The following THRB variants were observed in gnomAD, a reference collection of about 807,000 sequenced individuals.
The protein encoded by THRB is nuclear receptor subfamily 1 group A member 2.
Under a neutral mutation model 47.8 loss-of-function variants are expected in THRB, and 12 were observed. The observed-to-expected ratio is 0.25, with a 90% CI of 0.16 to 0.41. THRB has a LOEUF of 0.41. Among genes scored for constraint, THRB ranks in the 10% least tolerant of loss-of-function variants. The probability of loss-of-function intolerance (pLI) is 1.00; values close to 1 mark genes in which losing one functional copy is unlikely to be tolerated. For synonymous variants in THRB, 218 were observed against 212.2 expected (o/e 1.03, Z -0.24); for missense variants, 348 against 589.2 (o/e 0.59, Z 4.24).
chr3:24,474,015 C>T (rs571910068), intron 1 of THRB, among the ~76,000 whole-genome samples: 8 of 152,172 alleles, frequency 5.3e-5, no homozygotes, highest in East Asian at 1.9e-4. Context: ...ATGTAGATGA[C>T]GGGTTGATGG....
rs1576284492 is a variant in THRB, at chr3:24,247,130, A to G, written c.-42-18129T>C. On this transcript the variant is annotated intron_variant, in intron 3 of 10. Coordinates refer to ENST00000646209, the MANE Select transcript of THRB (RefSeq NM_001354712.2). ...TTGAGTAGAAATCTACAACAAATGT[A>G]AAGAGTTTCTATTTGTTGTGTTCAA... Among the ~76,000 whole-genome samples the G allele has an allele frequency of 2.6e-5, 4 of 152,352 alleles. No homozygotes were observed. In the Middle Eastern group the frequency reaches 0.01, roughly 389 times the overall value.
chr3:24,195,266 G>A (rs1036583949), intron 4 of THRB, among the ~76,000 whole-genome samples: 1 of 152,098 alleles, frequency 6.6e-6, no homozygotes, highest in African/African-American at 2.4e-5. Flanking sequence ...AACATCCAGG[G>A]AATATATACT....
At chr3:24,484,392 G>A (rs979008083) in intron 1 of THRB, among the ~76,000 whole-genome samples, 1 of 152,186 alleles carries the variant, frequency 6.6e-6, no homozygotes, top group African/African-American at 2.4e-5. Flanking sequence ...TGCTGCAAGT[G>A]TAAAATACAC....
At chr3:24,224,905 CT>C (rs2047504072) in intron 4 of THRB, among the ~76,000 whole-genome samples, 1 of 152,174 alleles carries the variant, frequency 6.6e-6, no homozygotes, top group Non-Finnish European at 1.5e-5. Context: ...AAAGGAGACT[CT>C]AGCTTTGATA....
chr3:24,275,090 G>A (rs2053767891), intron 3 of THRB, among the ~76,000 whole-genome samples: 1 of 152,086 alleles, frequency 6.6e-6, no homozygotes. Context: ...GTTGAAACAG[G>A]AACTTTGTAT....
chr3:24,141,922 C>A (rs1319904785), intron 8 of THRB, among the ~76,000 whole-genome samples: 2 of 152,174 alleles, frequency 1.3e-5, no homozygotes, highest in Admixed American at 1.3e-4. Context: ...TGCTATGCCC[C>A]AAGTGTACTG....
At chr3:24,446,324 C>G (rs2072068394) in intron 1 of THRB, among the ~76,000 whole-genome samples, 1 of 152,120 alleles carries the variant, frequency 6.6e-6, no homozygotes, top group Admixed American at 6.5e-5. Flanking sequence ...TCTATCAAAC[C>G]TGGCTAATTT....
At chr3:24,238,295 T>A (rs79763332) in intron 3 of THRB, among the ~76,000 whole-genome samples, 1 of 42,424 alleles carries the variant, frequency 2.4e-5, no homozygotes, top group Non-Finnish European at 5.0e-5. Flanking sequence ...GGGGGGGGTG[T>A]GTGGGGTGTG....
chr3:24,326,461 C>T (rs972399936), intron 2 of THRB, among the ~76,000 whole-genome samples: 3 of 152,060 alleles, frequency 2.0e-5, no homozygotes, highest in African/African-American at 7.2e-5. Context: ...GTCTTGAACT[C>T]CTGACCTCAG....
At chr3:24,257,991 G>T (rs941081828) in intron 3 of THRB, among the ~76,000 whole-genome samples, 8 of 152,214 alleles carry the variant, frequency 5.3e-5, no homozygotes, top group African/African-American at 1.9e-4. Context: ...TGGACTGCAT[G>T]GAGAATCAGG....
chr3:24,311,839 C>G (rs1039389630), intron 2 of THRB, among the ~76,000 whole-genome samples: 12 of 152,188 alleles, frequency 7.9e-5, no homozygotes, highest in African/African-American at 2.9e-4. Context: ...ACTGAGCTGT[C>G]TACAACACGT....
chr3:24,348,987 A>G (rs1271990965), intron 1 of THRB: 1 of 152,188 alleles, frequency 6.6e-6, no homozygotes, highest in East Asian at 1.9e-4. Flanking sequence ...CAGATAAATT[A>G]TTAAAACTAA....
At chr3:24,472,908 T>C (rs1013213581) in intron 1 of THRB, among the ~76,000 whole-genome samples, 2 of 152,118 alleles carry the variant, frequency 1.3e-5, no homozygotes, top group African/African-American at 4.8e-5. Flanking sequence ...TATAAATTTT[T>C]ATAAATTCTT....
intron 1 of THRB, among the ~76,000 whole-genome samples, chr3:24,419,446 C>T (rs2069042958): frequency 6.6e-6 from 1 of 151,798 alleles, no homozygotes; most frequent in African/African-American, 2.4e-5. Context: ...GGCTTCCTGC[C>T]CTGGGCATTA....
In THRB at chr3:24,128,863, CTTTTT is replaced by C. The variant is rs57890674; in HGVS notation, c.886-1111_886-1107del. Reference sequence around the variant, plus strand: ...GCCAAGAGAAGAAGGAAACATAACTCTTTTTTTTTTTTTTTTTTTTTTTTTTACCA... The same window carrying C: ...GCCAAGAGAAGAAGGAAACATAACTCTTTTTTTTTTTTTTTTTTTTTACCA... On this transcript the variant is annotated intron_variant, in intron 9 of 10. Coordinates refer to ENST00000646209, the MANE Select transcript of THRB (RefSeq NM_001354712.2). 3.0e-3 allele frequency among the ~76,000 whole-genome samples: 257 copies of C among 87,044 alleles called. 2 individuals are homozygous for C. The highest frequency in any genetic ancestry group is 7.5e-3 in the African/African-American group (222 of 29,644). 57.1% of individuals were successfully genotyped at this position (87,044 alleles called of 152,430 possible).
intron 1 of THRB, among the ~76,000 whole-genome samples, chr3:24,452,937 T>C (rs1411442689): frequency 4.1e-5 from 6 of 147,070 alleles, no homozygotes; most frequent in Non-Finnish European, 7.5e-5. Context: ...CAGCTCTATC[T>C]CTGGCCCAGG....
intron 1 of THRB, among the ~76,000 whole-genome samples, chr3:24,470,591 A>G (rs2125755656): frequency 6.6e-6 from 1 of 152,346 alleles, no homozygotes; most frequent in East Asian, 1.9e-4. Context: ...AGAACTGTGA[A>G]TCAAAGCCAG....
intron 3 of THRB, among the ~76,000 whole-genome samples, chr3:24,250,193 G>C (rs2050523457): frequency 6.6e-6 from 1 of 152,162 alleles, no homozygotes; most frequent in African/African-American, 2.4e-5. Flanking sequence ...CTTAGTATTA[G>C]ATGCATTTGT....
At chr3:24,213,877 G>A (rs1379940766) in intron 4 of THRB, among the ~76,000 whole-genome samples, 1 of 152,182 alleles carries the variant, frequency 6.6e-6, no homozygotes, top group Non-Finnish European at 1.5e-5. Flanking sequence ...CAAGACAGCT[G>A]CATTTGTTCC....
Sources: gnomAD v4.1 joint callset for allele counts (sites outside exome capture counted in the v4.1 genomes callset) on GRCh38, gnomAD v4.1.1 for gene constraint, MANE v1.5 for transcripts, NCBI Gene and HGNC (gene_info 2026-07-23, HGNC 2026-07-21) for gene names.